ACSM3: variants seen among roughly 807,000 people sequenced by gnomAD.
ACSM3 encodes acyl-CoA synthetase medium chain family member 3, also known as acyl-coenzyme A synthetase ACSM3, mitochondrial.
In ACSM3, 61 loss-of-function variants were observed where a neutral mutation model predicts 74.1. That is an observed-to-expected ratio of 0.82 (90% CI 0.67 to 1.02). The LOEUF (loss-of-function observed/expected upper bound fraction) is 1.02. Ranked by LOEUF, ACSM3 falls within the 50% of genes least tolerant of loss-of-function variation. The pLI, the probability that ACSM3 is intolerant of heterozygous loss-of-function variation, is 0.00. For missense variants in ACSM3, 660 were observed against 697.0 expected (o/e 0.95, Z 0.60); for synonymous variants, 213 against 241.5 (o/e 0.88, Z 1.09).
At chr16:20,717,891 GA>G (rs1667442715) in intron 1 of ACSM3, among the ~76,000 whole-genome samples, 1 of 147,198 alleles carries the variant, frequency 6.8e-6, no homozygotes, top group Non-Finnish European at 1.5e-5. Flanking sequence ...AGAAGGGGAA[GA>G]AGGAGAAGGA....
intron 1 of ACSM3, chr16:20,743,724 T>G (rs1451123124): frequency 6.6e-6 from 1 of 152,224 alleles, no homozygotes; most frequent in East Asian, 1.9e-4. Flanking sequence ...TGGTGGACAC[T>G]GCACAGCAGA....
At chr16:20,716,355 C>T (rs950651275) in intron 1 of ACSM3, among the ~76,000 whole-genome samples, 1 of 152,070 alleles carries the variant, frequency 6.6e-6, no homozygotes, top group Non-Finnish European at 1.5e-5. Context: ...GGGTCTAAAA[C>T]CCCTCGTGGC....
chr16:20,685,330 C>CT, intron 1 of ACSM3: 1 of 1,614,216 alleles, frequency 6.2e-7, no homozygotes, highest in Non-Finnish European at 8.5e-7. Flanking sequence ...TCCCATCTCT[C>CT]TGAAGCTCCA....
intron 1 of ACSM3, among the ~76,000 whole-genome samples, chr16:20,716,347 G>T (rs1030603303): frequency 2.0e-5 from 3 of 152,206 alleles, no homozygotes; most frequent in Admixed American, 6.5e-5. Flanking sequence ...GGGGTCCAGG[G>T]TCTAAAACCC....
intron 1 of ACSM3, among the ~76,000 whole-genome samples, chr16:20,692,017 T>C (rs1001922637): frequency 6.6e-6 from 1 of 152,178 alleles, no homozygotes; most frequent in African/African-American, 2.4e-5. Flanking sequence ...TGTCTGCCCC[T>C]GTCTTGTTAA....
intron 1 of ACSM3, among the ~76,000 whole-genome samples, chr16:20,692,028 T>A (rs1450168381): frequency 6.6e-6 from 1 of 152,168 alleles, no homozygotes; most frequent in Non-Finnish European, 1.5e-5. Context: ...GTCTTGTTAA[T>A]ATTCTCTGGA....
In ACSM3 at chr16:20,780,876, G is replaced by T; in HGVS notation, c.782+19G>T. ...ATGGAAGGTATACTTTCACAAAAGT[G>T]CAGCTTGAAGTGTCAAAACTGCAAA... On this transcript the variant is annotated intron_variant, in intron 5 of 13. Coordinates refer to ENST00000289416, the MANE Select transcript of ACSM3 (RefSeq NM_005622.4). 1 of 1,613,976 alleles carries T rather than the reference G, an allele frequency of 6.2e-7. No homozygotes were observed. Among genetic ancestry groups the T allele is most frequent in the Non-Finnish European group, 8.5e-7 (1 of 1,179,848 alleles).
chr16:20,709,535 C>T (rs558025962), intron 1 of ACSM3, among the ~76,000 whole-genome samples: 18 of 152,248 alleles, frequency 1.2e-4, no homozygotes, highest in Admixed American at 4.6e-4. Context: ...AGAGGTCAAC[C>T]TATTGAGTGC....
At chr16:20,768,801 C>A (rs1191442361) in intron 1 of ACSM3, among the ~76,000 whole-genome samples, 1 of 152,196 alleles carries the variant, frequency 6.6e-6, no homozygotes, top group Non-Finnish European at 1.5e-5. Context: ...TTTCCCCTCT[C>A]TGGGTCTCCA....
chr16:20,736,540 G>C, intron 1 of ACSM3: 1 of 223,702 alleles, frequency 4.5e-6, no homozygotes, highest in Non-Finnish European at 8.8e-6. Flanking sequence ...TCCTTCCTTA[G>C]AATGAAAACT....
At position 20,770,171 on chromosome 16, in the gene ACSM3, T is replaced by C; in HGVS notation, c.137T>C (p.Met46Thr). The C allele has an allele frequency of 6.2e-7, 1 of 1,614,156 alleles. No homozygotes were observed. The highest frequency in any genetic ancestry group is 8.5e-7 in the Non-Finnish European group (1 of 1,180,024). Residue 46 changes from methionine (M) to threonine (T), a missense_variant, in exon 2 of 14, where the codon ATG becomes ACG. By Grantham distance (81) the Met-to-Thr change is moderately conservative. Transcript: ENST00000289416. ...TPQNFSNYESMKQDFKLGIPE... is the reference protein window; with the variant it reads ...TPQNFSNYESTKQDFKLGIPE... ...CAGAATTTCTCCAACTATGAATCCA[T>C]GAAACAGGACTTCAAACTGGGGATT...
chr16:20,733,614 C>T (rs1473125867), intron 1 of ACSM3: 3 of 151,392 alleles, frequency 2.0e-5, no homozygotes, highest in African/African-American at 7.3e-5. Context: ...TACTATAAAG[C>T]AAGAGATTTA....
In ACSM3 at chr16:20,770,140, A is replaced by G; in HGVS notation, c.106A>G (p.Thr36Ala). The G allele has an allele frequency of 6.2e-7, 1 of 1,613,940 alleles. No homozygotes were observed. Among genetic ancestry groups the G allele is most frequent in the Non-Finnish European group, 8.5e-7 (1 of 1,180,004 alleles). Residue 36 changes from threonine (T) to alanine (A), a missense_variant, in exon 2 of 14, where the codon ACC becomes GCC. Physicochemically the swap from Thr to Ala is moderately conservative, Grantham distance 58. Transcript: ENST00000289416. Reference protein sequence around the residue: ...RALHKDNRTATPQNFSNYESM... With the variant: ...RALHKDNRTAAPQNFSNYESM... Reference sequence around the variant, plus strand: ...ACTGCATAAAGATAATAGAACAGCAACCCCTCAGAATTTCTCCAACTATGA... The same window carrying G: ...ACTGCATAAAGATAATAGAACAGCAGCCCCTCAGAATTTCTCCAACTATGA...
At chr16:20,697,879 C>G (rs1018453149) in intron 1 of ACSM3, 1 of 152,226 alleles carries the variant, frequency 6.6e-6, no homozygotes. Context: ...CAGGCCTCCA[C>G]GGAGAGATAA....
At chr16:20,692,935 C>T (rs1242306859) in intron 1 of ACSM3, among the ~76,000 whole-genome samples, 1 of 152,082 alleles carries the variant, frequency 6.6e-6, no homozygotes, top group Non-Finnish European at 1.5e-5. Flanking sequence ...CTTTGGGAGG[C>T]TGAGGCAGGT....
intron 1 of ACSM3, among the ~76,000 whole-genome samples, chr16:20,696,641 T>C (rs1271127253): frequency 6.6e-6 from 1 of 152,232 alleles, no homozygotes; most frequent in Non-Finnish European, 1.5e-5. Context: ...TATGAAATCA[T>C]TTTAAAGAAC....
chr16:20,718,443 G>T lies in ACSM3; in HGVS notation c.-189-31467G>T, dbSNP rs181062539. 2.9e-5 allele frequency: 17 copies of T among 581,696 alleles called. 1 individual carries two copies. In the Admixed American group the frequency reaches 5.3e-4, roughly 18 times the overall value. 36.0% of individuals were successfully genotyped at this position (581,696 alleles called of 1,614,324 possible). A position where few individuals can be genotyped will look rare whatever the true frequency, so the allele number is the denominator to read the frequency against. On this transcript the variant is annotated intron_variant, in intron 1 of 3. Coordinates refer to the ACSM3 transcript ENST00000561584. ...GTGGGACGACAGGCTCTCCTAAGAT[G>T]GCCCAGCACTCTCAGAGCAGCTTCA...
upstream of ACSM3, among the ~76,000 whole-genome samples, chr16:20,761,787 G>A (rs1473486039): frequency 1.3e-5 from 2 of 152,178 alleles, no homozygotes; most frequent in East Asian, 3.8e-4. Context: ...GGGCAAGTGT[G>A]CTCAAGCATG....
intron 1 of ACSM3, among the ~76,000 whole-genome samples, chr16:20,689,641 T>A (rs1412328973): frequency 1.3e-5 from 2 of 152,228 alleles, no homozygotes; most frequent in Non-Finnish European, 2.9e-5. Flanking sequence ...ATGCTTATAG[T>A]TTAATATTAA....
Sources: allele counts gnomAD v4.1 joint callset (sites outside exome capture counted in the v4.1 genomes callset), GRCh38; gene constraint gnomAD v4.1.1; transcripts MANE v1.5; gene names NCBI Gene and HGNC (gene_info 2026-07-23, HGNC 2026-07-21).